The following CTNNA2 variants were observed in gnomAD, a reference collection of about 807,000 sequenced individuals.
CTNNA2 encodes the protein catenin alpha 2, also known as catenin alpha-2.
A neutral mutation model predicts 101.0 loss-of-function variants in CTNNA2; 42 were observed. The observed-to-expected ratio is 0.42, with a 90% confidence interval of 0.32 to 0.54. The LOEUF (loss-of-function observed/expected upper bound fraction) is 0.54, where lower values mean the gene tolerates loss of function less well. Among genes scored for constraint, CTNNA2 ranks in the 20% least tolerant of loss-of-function variants. The pLI, the probability that CTNNA2 is intolerant of heterozygous loss-of-function variation, is 0.14. For missense variants in CTNNA2, 871 were observed against 1,223.1 expected (o/e 0.71, Z 4.29); for synonymous variants, 450 against 456.4 (o/e 0.99, Z 0.18).
intron 4 of CTNNA2, among the ~76,000 whole-genome samples, chr2:79,491,976 G>C (rs1223899912): frequency 2.6e-5 from 4 of 152,112 alleles, no homozygotes; most frequent in Non-Finnish European, 5.9e-5. Flanking sequence ...TCACCAGAAA[G>C]AGGCAAAAAT....
Position 79,688,007 on chromosome 2 carries a change from G to C in CTNNA2, c.102+36349G>C, listed in dbSNP as rs555791874. 3.9e-5 allele frequency among the ~76,000 whole-genome samples: 6 copies of C among 152,128 alleles called. No homozygotes were observed. In the East Asian group the frequency reaches 5.8e-4, roughly 15 times the overall value. ...GTCTGTGTCAACTTCGATTTGAGAGGAGGGAAAAAAAGTTTCCTCTGAAAA... is the reference window on the plus strand; with the variant it reads ...GTCTGTGTCAACTTCGATTTGAGAGCAGGGAAAAAAAGTTTCCTCTGAAAA... On this transcript the variant is annotated intron_variant, in intron 2 of 18. Transcript: ENST00000402739.
intron 2 of CTNNA2, among the ~76,000 whole-genome samples, chr2:79,202,342 T>A (rs1674047314): frequency 6.6e-6 from 1 of 151,568 alleles, no homozygotes; most frequent in African/African-American, 2.4e-5. Context: ...TTTATTTTTT[T>A]TATTTTTTTT....
intron 7 of CTNNA2, among the ~76,000 whole-genome samples, chr2:80,221,606 C>T (rs1251911597): frequency 6.6e-6 from 1 of 152,168 alleles, no homozygotes; most frequent in Non-Finnish European, 1.5e-5. Context: ...ATACTCATTT[C>T]CTGGCATTCA....
At chr2:79,321,603 C>T (rs1339357007) in intron 3 of CTNNA2, among the ~76,000 whole-genome samples, 1 of 152,054 alleles carries the variant, frequency 6.6e-6, no homozygotes, top group Non-Finnish European at 1.5e-5. Context: ...TTATGATGTA[C>T]CATTTAATTT....
intron 2 of CTNNA2, among the ~76,000 whole-genome samples, chr2:79,273,711 A>G (rs758529937): frequency 1.3e-5 from 2 of 151,982 alleles, no homozygotes; most frequent in Non-Finnish European, 2.9e-5. Flanking sequence ...AACAGTTTTT[A>G]TATTTTATTT....
chr2:79,590,489 T>G (rs1455099924), intron 1 of CTNNA2, among the ~76,000 whole-genome samples: 2 of 152,222 alleles, frequency 1.3e-5, no homozygotes, highest in Non-Finnish European at 2.9e-5. Context: ...TATGGAGAAC[T>G]TTGCTTGCTG....
At chr2:80,484,902 A>C (rs1268316384) in intron 9 of CTNNA2, among the ~76,000 whole-genome samples, 1 of 152,102 alleles carries the variant, frequency 6.6e-6, no homozygotes, top group Non-Finnish European at 1.5e-5. Context: ...GCTACTCGGG[A>C]GGCTGAGGCA....
intron 1 of CTNNA2, among the ~76,000 whole-genome samples, chr2:79,545,551 C>T (rs921036087): frequency 4.6e-5 from 7 of 152,198 alleles, no homozygotes; most frequent in African/African-American, 1.4e-4. Flanking sequence ...ACATCAAACA[C>T]TTTAACTATA....
At chr2:80,497,867 C>T (rs1467811655) in intron 9 of CTNNA2, among the ~76,000 whole-genome samples, 1 of 152,060 alleles carries the variant, frequency 6.6e-6, no homozygotes, top group Non-Finnish European at 1.5e-5. Context: ...CTGAATTCTG[C>T]CAACAACCAG....
At chr2:80,206,984 C>T (rs1163941526) in intron 7 of CTNNA2, among the ~76,000 whole-genome samples, 1 of 152,024 alleles carries the variant, frequency 6.6e-6, no homozygotes, top group Non-Finnish European at 1.5e-5. Flanking sequence ...CTCCTGTGTT[C>T]TAGGGTGGGC....
chr2:80,324,669 A>G (rs1679071332), intron 7 of CTNNA2, among the ~76,000 whole-genome samples: 1 of 152,172 alleles, frequency 6.6e-6, no homozygotes, highest in Non-Finnish European at 1.5e-5. Context: ...TGCTTGGAAT[A>G]AAATACTCCT....
At chr2:80,213,660 T>A (rs1427912230) in intron 7 of CTNNA2, among the ~76,000 whole-genome samples, 1 of 152,188 alleles carries the variant, frequency 6.6e-6, no homozygotes, top group Admixed American at 6.6e-5. Flanking sequence ...GGAATAAGTG[T>A]GGTGTGGTGC....
At chr2:80,198,041 A>G (rs1259682989) in intron 7 of CTNNA2, among the ~76,000 whole-genome samples, 2 of 152,206 alleles carry the variant, frequency 1.3e-5, no homozygotes, top group South Asian at 2.1e-4. Context: ...GGCTCACAAT[A>G]TAAGAAAACA....
At chr2:79,818,273 T>C (rs1186900813) in intron 3 of CTNNA2, among the ~76,000 whole-genome samples, 1 of 152,136 alleles carries the variant, frequency 6.6e-6, no homozygotes, top group African/African-American at 2.4e-5. Flanking sequence ...TTAGCATATT[T>C]GTTGTTTTTC....
At chr2:79,966,567 AC>A (rs1370272873) in intron 7 of CTNNA2, among the ~76,000 whole-genome samples, 1 of 152,070 alleles carries the variant, frequency 6.6e-6, no homozygotes, top group Non-Finnish European at 1.5e-5. Flanking sequence ...TACGTCATTA[AC>A]CTTAACAGCC....
At chr2:79,394,642 G>T (rs1324076343) in intron 4 of CTNNA2, among the ~76,000 whole-genome samples, 1 of 152,100 alleles carries the variant, frequency 6.6e-6, no homozygotes, top group Non-Finnish European at 1.5e-5. Context: ...CCTCACTCAG[G>T]AGTACCCTTC....
intron 9 of CTNNA2, among the ~76,000 whole-genome samples, chr2:80,524,017 C>G (rs1252933447): frequency 7.2e-5 from 11 of 152,086 alleles, no homozygotes; most frequent in Non-Finnish European, 1.3e-4. Context: ...GCTCTTGGCG[C>G]TGAGGAGTTG....
intron 3 of CTNNA2, among the ~76,000 whole-genome samples, chr2:79,750,588 C>T (rs1263844578): frequency 6.6e-6 from 1 of 152,196 alleles, no homozygotes; most frequent in African/African-American, 2.4e-5. Context: ...AAGGGCCGGG[C>T]GTGGCGACTT....
chr2:79,215,310 C>A (rs138350915), intron 2 of CTNNA2, among the ~76,000 whole-genome samples: 1 of 152,086 alleles, frequency 6.6e-6, no homozygotes, highest in Admixed American at 6.5e-5. Context: ...CCTGGAGGAA[C>A]GCCTGGCCAC....
Sources: gnomAD v4.1 joint callset for allele counts (sites outside exome capture counted in the v4.1 genomes callset) on GRCh38, gnomAD v4.1.1 for gene constraint, MANE v1.5 for transcripts, NCBI Gene and HGNC (gene_info 2026-07-23, HGNC 2026-07-21) for gene names.